The following AGBL4 variants were observed in gnomAD, a reference collection of about 807,000 sequenced individuals.
AGBL4 encodes cytosolic carboxypeptidase 6.
In AGBL4, 58 loss-of-function variants were observed where a neutral mutation model predicts 66.4. The observed-to-expected ratio is 0.87, with a 90% CI of 0.71 to 1.09. AGBL4 has a LOEUF of 1.09. AGBL4 is among the 50% of genes least tolerant of loss of function. The probability of loss-of-function intolerance (pLI) is 0.00; values close to 1 mark genes in which losing one functional copy is unlikely to be tolerated. For synonymous variants in AGBL4, 234 were observed against 222.9 expected (o/e 1.05, Z -0.44); for missense variants, 579 against 631.0 (o/e 0.92, Z 0.88).
chr1:49,223,039 C>T (rs1649623941), intron 4 of AGBL4, among the ~76,000 whole-genome samples: 1 of 152,180 alleles, frequency 6.6e-6, no homozygotes, highest in Admixed American at 6.6e-5. Flanking sequence ...ATGGCAGGAT[C>T]TAGTAGTCAC....
intron 4 of AGBL4, among the ~76,000 whole-genome samples, chr1:49,058,832 C>G (rs181353492): frequency 3.3e-5 from 5 of 152,312 alleles, no homozygotes; most frequent in Admixed American, 3.3e-4. Flanking sequence ...AAAGGCAACT[C>G]TTGTTATGCA....
At chr1:49,199,720 A>C (rs1251995108) in intron 4 of AGBL4, among the ~76,000 whole-genome samples, 1 of 152,140 alleles carries the variant, frequency 6.6e-6, no homozygotes, top group African/African-American at 2.4e-5. Flanking sequence ...CCTTCTCTCC[A>C]GACTAATTAG....
chr1:48,657,341 A>T (rs1198977152), intron 7 of AGBL4, among the ~76,000 whole-genome samples: 4 of 152,216 alleles, frequency 2.6e-5, no homozygotes, highest in African/African-American at 9.7e-5. Flanking sequence ...TGGAGAGGTG[A>T]ACAAGGATTT....
chr1:48,951,463 T>G (rs1656980650), intron 5 of AGBL4, among the ~76,000 whole-genome samples: 1 of 152,144 alleles, frequency 6.6e-6, no homozygotes, highest in Admixed American at 6.5e-5. Context: ...CCCACATTCA[T>G]AGGTTGAAAT....
chr1:48,768,346 T>C (rs1392449205), intron 6 of AGBL4, among the ~76,000 whole-genome samples: 3 of 152,130 alleles, frequency 2.0e-5, no homozygotes, highest in Non-Finnish European at 1.5e-5. Context: ...CACAAAGCTC[T>C]AAATAATGCC....
At chr1:49,661,772 G>T (rs1335082693) in intron 3 of AGBL4, among the ~76,000 whole-genome samples, 2 of 152,038 alleles carry the variant, frequency 1.3e-5, no homozygotes, top group African/African-American at 4.8e-5. Flanking sequence ...AAGCTCTTTG[G>T]ATATTTTCCA....
intron 2 of AGBL4, among the ~76,000 whole-genome samples, chr1:49,738,052 AGT>A (rs1650049579): frequency 1.3e-5 from 2 of 152,206 alleles, no homozygotes; most frequent in South Asian, 4.1e-4. Context: ...ACTGTTGGTC[AGT>A]GTGTGCAGGA....
At chr1:49,831,365 T>C (rs919495319) in intron 2 of AGBL4, among the ~76,000 whole-genome samples, 2 of 152,278 alleles carry the variant, frequency 1.3e-5, no homozygotes, top group South Asian at 2.1e-4. Context: ...GTTCTCTTTG[T>C]AGCAATTGTG....
intron 3 of AGBL4, among the ~76,000 whole-genome samples, chr1:49,296,320 G>C (rs765501968): frequency 3.3e-5 from 5 of 152,154 alleles, no homozygotes; most frequent in Non-Finnish European, 5.9e-5. Flanking sequence ...ATTCAACCTT[G>C]AGTATGTCTG....
intron 1 of AGBL4, among the ~76,000 whole-genome samples, chr1:50,019,304 T>TCACA (rs796097397): frequency 0.016 from 729 of 46,844 alleles, 3 homozygotes; most frequent in Middle Eastern, 0.032. Flanking sequence ...TCTCTCTCTC[T>TCACA]CTCACACACA....
chr1:48,760,853 C>T (rs1024921906), intron 6 of AGBL4, among the ~76,000 whole-genome samples: 1 of 152,194 alleles, frequency 6.6e-6, no homozygotes, highest in African/African-American at 2.4e-5. Flanking sequence ...GGGCACACAG[C>T]AAGAAAATGC....
chr1:48,771,633 C>T (rs745981147), intron 6 of AGBL4, among the ~76,000 whole-genome samples: 3 of 152,222 alleles, frequency 2.0e-5, no homozygotes, highest in African/African-American at 7.2e-5. Context: ...AAAGTTTTCA[C>T]TCACTTTTTT....
At chr1:49,707,397 T>C (rs1647290931) in intron 2 of AGBL4, among the ~76,000 whole-genome samples, 1 of 148,428 alleles carries the variant, frequency 6.7e-6, no homozygotes, top group Non-Finnish European at 1.5e-5. Flanking sequence ...TTGCTTATCA[T>C]TTGGTTGGTA....
At chr1:48,816,048 TGTGTGTG>T (rs1646165832) in intron 6 of AGBL4, among the ~76,000 whole-genome samples, 2 of 1,450 alleles carry the variant, frequency 1.4e-3, no homozygotes, top group Non-Finnish European at 0.015. Flanking sequence ...AACTGTTTTG[TGTGTGTG>T]TGTGTGTGTG....
intron 3 of AGBL4, among the ~76,000 whole-genome samples, chr1:49,484,881 A>G (rs1342770516): frequency 1.3e-5 from 2 of 151,996 alleles, no homozygotes; most frequent in African/African-American, 4.8e-5. Context: ...TATATACACT[A>G]TGTACCCACA....
At chr1:49,706,914 T>C (rs545103459) in intron 2 of AGBL4, among the ~76,000 whole-genome samples, 5 of 152,318 alleles carry the variant, frequency 3.3e-5, no homozygotes, top group African/African-American at 1.2e-4. Flanking sequence ...AAAGACTGTT[T>C]CTTATGATTT....
Position 49,893,987 on chromosome 1 carries a change from T to A in AGBL4, c.35-42469A>T, listed in dbSNP as rs111814771. Reference sequence around the variant, plus strand: ...GTGGTAGTAGTCACACTGATGCTCATGTCAGCCCAAACCCAGCACCAGATG... The same window carrying A: ...GTGGTAGTAGTCACACTGATGCTCAAGTCAGCCCAAACCCAGCACCAGATG... On this transcript the variant is annotated intron_variant, in intron 1 of 13. Transcript: ENST00000371839. Among the ~76,000 whole-genome samples the A allele has an allele frequency of 1.3e-3, 201 of 152,308 alleles. 1 individual carries two copies. Among genetic ancestry groups the A allele is most frequent in the African/African-American group, 4.6e-3 (191 of 41,574 alleles).
At chr1:49,701,332 A>G (rs186700087) in intron 2 of AGBL4, among the ~76,000 whole-genome samples, 45 of 152,198 alleles carry the variant, frequency 3.0e-4, no homozygotes, top group Non-Finnish European at 5.3e-4. Context: ...AGATTTGCTA[A>G]GAGAGTAGAT....
intron 3 of AGBL4, among the ~76,000 whole-genome samples, chr1:49,569,015 T>G (rs1016058874): frequency 2.0e-5 from 3 of 152,200 alleles, no homozygotes; most frequent in Non-Finnish European, 2.9e-5. Flanking sequence ...TAATAAAATG[T>G]GATACATAGA....
Sources: gnomAD v4.1 joint callset for allele counts (sites outside exome capture counted in the v4.1 genomes callset) on GRCh38, gnomAD v4.1.1 for gene constraint, MANE v1.5 for transcripts, NCBI Gene and HGNC (gene_info 2026-07-23, HGNC 2026-07-21) for gene names.